Variants in CSF1R observed in about 807,000 individuals in gnomAD.
CSF1R encodes macrophage colony-stimulating factor 1 receptor.
A neutral mutation model predicts 110.0 loss-of-function variants in CSF1R; 40 were observed. The observed-to-expected ratio is 0.36, with a 90% CI of 0.28 to 0.47. The LOEUF is 0.47. CSF1R is among the 20% of genes least tolerant of loss of function. The pLI, the probability that CSF1R is intolerant of heterozygous loss-of-function variation, is 0.99. For synonymous variants in CSF1R, 523 were observed against 503.4 expected, an observed-to-expected ratio of 1.04 and a Z score of -0.52; for missense variants, 1,052 against 1,253.0, an observed-to-expected ratio of 0.84 and a Z score of 2.42.
At chr5:150,068,066 CT>C in intron 10 of CSF1R, 148 bp downstream of exon 10, 1 of 634,358 alleles carries the variant, frequency 1.6e-6, no homozygotes, top group Non-Finnish European at 2.8e-6. Flanking sequence ...CAGCAGCTGA[CT>C]CATGTTGGCA....
chr5:150,056,291 A>G lies in CSF1R; in HGVS notation c.2370T>C (p.His790=), dbSNP rs1757216077. ...AARNVLLTNG[H]VAKIGDFGLA... ...GCCCGAAGTCCCCAATCTTGGCCAC[A>G]TGACCATTGGTCAACAGCACGTTAC... The change falls in exon 17 of 21, where the codon CAT becomes CAC. Residue 790 remains histidine (H), a synonymous_variant. Coordinates refer to ENST00000675795, the MANE Select transcript of CSF1R (RefSeq NM_001288705.3). 8 of 1,614,034 alleles carry G rather than the reference A, an allele frequency of 5.0e-6. No homozygotes were observed. Among genetic ancestry groups the G allele is most frequent in the African/African-American group, 1.3e-5 (1 of 74,918 alleles).
At position 150,060,143 on chromosome 5, in the gene CSF1R, T is replaced by C. The variant is rs185450877; in HGVS notation, c.1970-281A>G. Among the ~76,000 whole-genome samples the C allele has an allele frequency of 6.3e-4, 95 of 151,982 alleles. 1 individual carries two copies. Among genetic ancestry groups the C allele is most frequent in the African/African-American group, 2.0e-3 (82 of 41,458 alleles). ...GAGATCGAGACCATCCTGGCTAACATGGTGAAACCCCATCTCTACAAAAAT... is the reference window on the plus strand; with the variant it reads ...GAGATCGAGACCATCCTGGCTAACACGGTGAAACCCCATCTCTACAAAAAT... On this transcript the variant is annotated intron_variant, in intron 13 of 20. Transcript: ENST00000675795.
intron 1 of CSF1R, among the ~76,000 whole-genome samples, chr5:150,105,899 T>C (rs1339006703): frequency 1.3e-5 from 2 of 152,222 alleles, no homozygotes; most frequent in Non-Finnish European, 2.9e-5. Flanking sequence ...TCTAATTTAG[T>C]GCTTTTAACA....
At chr5:150,083,699 T>A (rs1236478134) in intron 1 of CSF1R, among the ~76,000 whole-genome samples, 2 of 151,930 alleles carry the variant, frequency 1.3e-5, no homozygotes, top group African/African-American at 4.8e-5. Context: ...AAAGGAAAAA[T>A]CAAGCTGGAA....
At position 150,069,820 on chromosome 5, in the gene CSF1R, C is replaced by CAGGGGCGGGGG. The variant is rs1757950304; in HGVS notation, c.1510+42_1510+52dup. ...GTGGGGGAGGAGCCGCCTAAAGGAG[C>CAGGGGCGGGGG]AGGGGCGGGGGGCGGGCGGGGGGGC... On this transcript the variant is annotated intron_variant, in intron 9 of 20. Coordinates refer to ENST00000675795, the MANE Select transcript of CSF1R (RefSeq NM_001288705.3). The CAGGGGCGGGGG allele has an allele frequency of 2.2e-6, 3 of 1,370,772 alleles. No homozygotes were observed. The Admixed American group carries it at 8.7e-5, about 40-fold the overall frequency. The allele number at this position is 1,370,772 out of a possible 1,614,324, so 84.9% of individuals were successfully genotyped here. A position where few individuals can be genotyped will look rare whatever the true frequency, so the allele number is the denominator to read the frequency against.
At position 150,080,979 on chromosome 5, in the gene CSF1R, A is replaced by G. The variant is rs56048668; in HGVS notation, c.95T>C (p.Val32Ala). ...CAAGGTCACCGTTGCTCCTGGCTTC[A>G]CGACCAGCTCAGGGACACTGGGCTC... ...VIEPSVPELVVKPGATVTLRC... is the reference protein window; with the variant it reads ...VIEPSVPELVAKPGATVTLRC... The change falls in exon 2 of 21, where the codon GTG becomes GCG. Residue 32 changes from valine (V) to alanine (A), a missense_variant. This residue lies in a region of CSF1R where 693 missense variants were observed against 735.4 expected (regional missense o/e 0.94). Coordinates refer to ENST00000675795, the MANE Select transcript of CSF1R (RefSeq NM_001288705.3). The G allele has an allele frequency of 3.7e-6, 6 of 1,614,060 alleles. No homozygotes were observed. The highest frequency in any genetic ancestry group is 4.2e-6 in the Non-Finnish European group (5 of 1,179,958).
intron 14 of CSF1R, among the ~76,000 whole-genome samples, chr5:150,058,558 T>G (rs1757357497): frequency 6.6e-6 from 1 of 152,228 alleles, no homozygotes; most frequent in Admixed American, 6.5e-5. Context: ...GGGAATACTT[T>G]CCCCATCTGC....
At chr5:150,109,681 C>T (rs1373450670) in intron 1 of CSF1R, among the ~76,000 whole-genome samples, 4 of 152,142 alleles carry the variant, frequency 2.6e-5, no homozygotes, top group African/African-American at 9.7e-5. Context: ...TTCTCAGCCG[C>T]CCAGGGCACT....
chr5:150,082,549 C>A (rs1196202905), intron 1 of CSF1R, among the ~76,000 whole-genome samples: 1 of 152,256 alleles, frequency 6.6e-6, no homozygotes, highest in Non-Finnish European at 1.5e-5. Flanking sequence ...TTCTAGCAGC[C>A]TTTTTAGCAA....
intron 10 of CSF1R, among the ~76,000 whole-genome samples, chr5:150,065,107 A>G (rs907527451): frequency 1.6e-4 from 24 of 152,226 alleles, no homozygotes; most frequent in African/African-American, 5.8e-4. Context: ...ATTCCTTGCA[A>G]TGGGCCTAAG....
intron 1 of CSF1R, among the ~76,000 whole-genome samples, chr5:150,112,115 A>G (rs981428832): frequency 6.6e-6 from 1 of 152,240 alleles, no homozygotes; most frequent in African/African-American, 2.4e-5. Context: ...GTTTCTGGCT[A>G]TATAAACCAT....
chr5:150,067,233 C>T (rs1202736589), intron 10 of CSF1R: 1 of 152,114 alleles, frequency 6.6e-6, no homozygotes, highest in Non-Finnish European at 1.5e-5. Context: ...GCCTCAGCTT[C>T]CTGATGGGTA....
intron 1 of CSF1R, among the ~76,000 whole-genome samples, chr5:150,093,766 C>T (rs1304579972): frequency 6.6e-6 from 1 of 152,132 alleles, no homozygotes; most frequent in African/African-American, 2.4e-5. Context: ...ACTCCATAAA[C>T]ATGTACAATT....
chr5:150,071,333 G>A (rs1160500222), intron 6 of CSF1R, among the ~76,000 whole-genome samples: 1 of 152,074 alleles, frequency 6.6e-6, no homozygotes, highest in Non-Finnish European at 1.5e-5. Flanking sequence ...ATGAACATGT[G>A]TTGTTTAGGT....
At position 150,080,985 on chromosome 5, in the gene CSF1R, A is replaced by T. The variant is rs1758516355; in HGVS notation, c.89T>A (p.Leu30Gln). The change falls in exon 2 of 21, where the codon CTG becomes CAG. Residue 30 changes from leucine to glutamine, a missense_variant. Around this residue, in one of 5 missense-constraint regions of CSF1R, gnomAD observed 693 missense variants for 735.4 expected, o/e 0.94. Coordinates refer to ENST00000675795, the MANE Select transcript of CSF1R (RefSeq NM_001288705.3). Reference protein sequence around the residue: ...IPVIEPSVPELVVKPGATVTL... With the variant: ...IPVIEPSVPEQVVKPGATVTL... ...CACCGTTGCTCCTGGCTTCACGACC[A>T]GCTCAGGGACACTGGGCTCTATCAC... The T allele has an allele frequency of 6.2e-7, 1 of 1,613,946 alleles. No homozygotes were observed. Among genetic ancestry groups the T allele is most frequent in the African/African-American group, 1.3e-5 (1 of 74,926 alleles).
At chr5:150,054,771 AAGGCCAGGAGTTCC>A (rs147585613) in intron 19 of CSF1R, 8,824 of 272,940 alleles carry the variant, frequency 0.032, 725 homozygotes, top group African/African-American at 0.18. Flanking sequence ...AGGATTGCAT[AAGGCCAGGAGTTCC>A]AGACCAGCCT....
chr5:150,058,540 C>T (rs1757356603), intron 14 of CSF1R, among the ~76,000 whole-genome samples: 1 of 152,190 alleles, frequency 6.6e-6, no homozygotes, highest in Non-Finnish European at 1.5e-5. Context: ...CTCGAAATTA[C>T]CCACTCTGGG....
At chr5:150,064,828 G>T (rs1757688335) in intron 10 of CSF1R, among the ~76,000 whole-genome samples, 2 of 152,128 alleles carry the variant, frequency 1.3e-5, no homozygotes, top group South Asian at 4.1e-4. Context: ...GGACCAAGCT[G>T]CCTTCTGCCT....
chr5:150,107,367 G>A (rs1378033189), intron 1 of CSF1R, among the ~76,000 whole-genome samples: 4 of 152,238 alleles, frequency 2.6e-5, no homozygotes, highest in African/African-American at 9.6e-5. Context: ...TGGAAGGGGT[G>A]CTATTAATAA....
Sources: gnomAD v4.1 joint callset for allele counts (sites outside exome capture counted in the v4.1 genomes callset) on GRCh38, gnomAD v4.1.1 for gene constraint, gnomAD v4.1.1 regional missense constraint, MANE v1.5 for transcripts, NCBI Gene and HGNC (gene_info 2026-07-23, HGNC 2026-07-21) for gene names.